Variants in UCK2 observed in about 807,000 individuals in gnomAD.
UCK2 encodes cytidine monophosphokinase 2.
UCK2 carries 6 observed loss-of-function variants against 30.8 expected under a neutral mutation model. The observed-to-expected ratio is 0.19, with a 90% CI of 0.11 to 0.38. The LOEUF is 0.38. Among genes scored for constraint, UCK2 ranks in the 10% least tolerant of loss-of-function variants. The pLI is 1.00. For synonymous variants in UCK2, 125 were observed against 133.6 expected (o/e 0.94, Z 0.45); for missense variants, 210 against 339.8 (o/e 0.62, Z 3.00).
intron 1 of UCK2, among the ~76,000 whole-genome samples, chr1:165,842,717 T>C (rs921171289): frequency 1.3e-5 from 2 of 152,196 alleles, no homozygotes; most frequent in African/African-American, 2.4e-5. Context: ...GGAGTGATCT[T>C]TTAAAAATGC....
intron 4 of UCK2, among the ~76,000 whole-genome samples, chr1:165,898,782 C>A (rs371224914): frequency 2.6e-5 from 4 of 152,176 alleles, no homozygotes; most frequent in East Asian, 1.9e-4. Flanking sequence ...GGAGCAATTC[C>A]TACAATGGTG....
In UCK2 at chr1:165,890,220, A is replaced by G. The variant is rs1293834373; in HGVS notation, c.116A>G (p.Lys39Arg). The change falls in exon 2 of 7, where the codon AAG becomes AGG. Residue 39 changes from lysine to arginine, a missense_variant. Lys to Arg is a conservative substitution (Grantham distance 26). Transcript: ENST00000367879. The part of the protein sequence containing the change: ...TASGKSSVCA[K>R]IVQLLGQNEV... ...TCCTCACAGTCTTCCGTGTGTGCTA[A>G]GATCGTGCAGCTCCTGGGGCAGAAT... 6.2e-7 allele frequency: 1 copy of G among 1,613,864 alleles called. No individual in the cohort carries two copies. Among genetic ancestry groups the G allele is most frequent in the Non-Finnish European group, 8.5e-7 (1 of 1,180,014 alleles).
chr1:165,888,447 A>G (rs1655677398), intron 1 of UCK2, among the ~76,000 whole-genome samples: 1 of 151,854 alleles, frequency 6.6e-6, no homozygotes, highest in Non-Finnish European at 1.5e-5. Context: ...ATGTGCCACC[A>G]TGCCTGGCTA....
intron 1 of UCK2, among the ~76,000 whole-genome samples, chr1:165,836,756 A>G (rs1045349217): frequency 2.0e-5 from 3 of 152,312 alleles, no homozygotes; most frequent in African/African-American, 7.2e-5. Context: ...TGGCTCAGGA[A>G]GTTTTCATGT....
intron 4 of UCK2, among the ~76,000 whole-genome samples, chr1:165,899,024 G>T (rs1328056459): frequency 6.6e-6 from 1 of 152,202 alleles, no homozygotes; most frequent in Non-Finnish European, 1.5e-5. Context: ...GTGGAGTGCG[G>T]GGGTGCTGGG....
intron 1 of UCK2, among the ~76,000 whole-genome samples, chr1:165,864,220 TTA>T (rs1446431117): frequency 6.6e-6 from 1 of 152,224 alleles, no homozygotes; most frequent in Non-Finnish European, 1.5e-5. Context: ...ATTGCTGGGA[TTA>T]CAGGCATGAG....
At position 165,890,794 on chromosome 1, in the gene UCK2, G is replaced by A. The variant is rs574320440; in HGVS notation, c.259+431G>A. 2.1e-4 allele frequency: 57 copies of A among 265,152 alleles called. 1 individual carries two copies. Among genetic ancestry groups the A allele is most frequent in the Non-Finnish European group, 3.0e-4 (41 of 136,490 alleles). 16.4% of individuals were successfully genotyped at this position (265,152 alleles called of 1,614,324 possible). A position where few individuals can be genotyped will look rare whatever the true frequency, so the allele number is the denominator to read the frequency against. ...CTGCCAGAGTGGTTTTTGCCCTACA[G>A]CCCTAGATCAGCACACTGCTCCTTT... On this transcript the variant is annotated intron_variant, in intron 2 of 6. Coordinates refer to ENST00000367879, the MANE Select transcript of UCK2 (RefSeq NM_012474.5).
Position 165,827,793 on chromosome 1 carries a change from G to T in UCK2, c.-41G>T. 7.4e-7 allele frequency: 1 copy of T among 1,351,104 alleles called. No individual in the cohort carries two copies. The highest frequency in any genetic ancestry group is 9.6e-7 in the Non-Finnish European group (1 of 1,039,696). 83.7% of individuals were successfully genotyped at this position (1,351,104 alleles called of 1,614,324 possible). ...ACGCGGGCGCGGGCGGGGAGCGTGCGTCCGTTCGCACAGGCAGCGGGAGGA... is the reference window on the plus strand; with the variant it reads ...ACGCGGGCGCGGGCGGGGAGCGTGCTTCCGTTCGCACAGGCAGCGGGAGGA... On this transcript the variant is annotated 5_prime_UTR_variant, in exon 1 of 7. Transcript: ENST00000367879.
chr1:165,903,148 C>T (rs1352527712), intron 4 of UCK2, 34 bp from the exon 5 acceptor site: 40 of 1,587,168 alleles, frequency 2.5e-5, no homozygotes, highest in African/African-American at 6.7e-5. Context: ...GCTCCTACAC[C>T]GTTTTTTGAT....
chr1:165,846,946 T>C (rs576468474), intron 1 of UCK2, among the ~76,000 whole-genome samples: 3 of 152,296 alleles, frequency 2.0e-5, no homozygotes, highest in Admixed American at 2.0e-4. Flanking sequence ...CATGTTGTGG[T>C]GTGACAGCAA....
Position 165,827,884 on chromosome 1 carries a change from C to T in UCK2, c.51C>T (p.Gly17=). ...QTLQNHQQPN[G]GEPFLIGVSG... is the part of the protein sequence containing the mutation. Reference sequence around the variant, plus strand: ...TGCAGAACCACCAGCAGCCCAACGGCGGCGAGCCCTTCCTTATAGGCGTCA... The same window carrying T: ...TGCAGAACCACCAGCAGCCCAACGGTGGCGAGCCCTTCCTTATAGGCGTCA... Residue 17 remains glycine (G), a synonymous_variant, in exon 1 of 7, where the codon GGC becomes GGT. Transcript: ENST00000367879. 1 of 1,477,958 alleles carries T rather than the reference C, an allele frequency of 6.8e-7. No homozygotes were observed. Among genetic ancestry groups the T allele is most frequent in the Non-Finnish European group, 9.0e-7 (1 of 1,107,162 alleles). The allele number at this position is 1,477,958 out of a possible 1,614,324, so 91.6% of individuals were successfully genotyped here.
intron 1 of UCK2, among the ~76,000 whole-genome samples, chr1:165,834,591 G>A (rs1359361762): frequency 6.6e-6 from 1 of 152,206 alleles, no homozygotes; most frequent in African/African-American, 2.4e-5. Flanking sequence ...ATTGGATGAG[G>A]GGGCAGTGGT....
chr1:165,835,910 A>G (rs1654176918), intron 1 of UCK2, among the ~76,000 whole-genome samples: 1 of 152,188 alleles, frequency 6.6e-6, no homozygotes, highest in African/African-American at 2.4e-5. Context: ...TTACTACTGT[A>G]CTTATTAGTA....
At chr1:165,870,956 T>A (rs577201441) in intron 1 of UCK2, among the ~76,000 whole-genome samples, 1 of 152,208 alleles carries the variant, frequency 6.6e-6, no homozygotes, top group Non-Finnish European at 1.5e-5. Context: ...TAGCTGGGAT[T>A]ACAGGCATGT....
At position 165,840,615 on chromosome 1, in the gene UCK2, C is replaced by T. The variant is rs187047685; in HGVS notation, c.99+12683C>T. The stretch of plus-strand genomic sequence containing the variant: ...TAAGGAGCCTTTATAGTTTAAGTCC[C>T]ACTGACTAATGTGAGTTATTACTTC... On this transcript the variant is annotated intron_variant, in intron 1 of 6. Coordinates refer to ENST00000367879, the MANE Select transcript of UCK2 (RefSeq NM_012474.5). Among the ~76,000 whole-genome samples, 146 of 152,304 alleles carry T rather than the reference C, an allele frequency of 9.6e-4. 3 individuals carry two copies. Among genetic ancestry groups the T allele is most frequent in the Admixed American group, 8.2e-3 (126 of 15,300 alleles).
rs935124792 is a variant in UCK2, at chr1:165,908,215, A to AG, written c.*396dup. The AG allele has an allele frequency of 7.1e-5, 11 of 155,352 alleles. No individual in the cohort carries two copies. The highest frequency in any genetic ancestry group is 1.4e-4 in the Non-Finnish European group (10 of 70,068). The allele number at this position is 155,352 out of a possible 1,614,324, so 9.6% of individuals were successfully genotyped here. ...TAGGACTGGAGCTGGAATTTCACCA[A>AG]GGGGAAATTGCCTGTTGTGTCCCAG... On this transcript the variant is annotated 3_prime_UTR_variant, in exon 7 of 7. Transcript: ENST00000367879.
Position 165,827,916 on chromosome 1 carries a change from G to A in UCK2, c.83G>A (p.Gly28Glu). 1 of 1,447,064 alleles carries A rather than the reference G, an allele frequency of 6.9e-7. No individual in the cohort carries two copies. Among genetic ancestry groups the A allele is most frequent in the Non-Finnish European group, 9.2e-7 (1 of 1,090,640 alleles). 89.6% of individuals were successfully genotyped at this position (1,447,064 alleles called of 1,614,324 possible). ...CCCTTCCTTATAGGCGTCAGCGGGG[G>A]AACAGCTAGCGGCAAGGTACGGCGG... Reference protein sequence around the residue: ...GEPFLIGVSGGTASGKSSVCA... With the variant: ...GEPFLIGVSGETASGKSSVCA... Residue 28 changes from glycine to glutamate, a missense_variant, in exon 1 of 7, where the codon GGA becomes GAA. Gly to Glu is a moderately conservative substitution (Grantham distance 98, BLOSUM62 -2). Around this residue, in one of 4 missense-constraint regions of UCK2, gnomAD observed 50 missense variants for 41.0 expected, o/e 1.22. Coordinates refer to ENST00000367879, the MANE Select transcript of UCK2 (RefSeq NM_012474.5).
chr1:165,890,248 G>C lies in UCK2; in HGVS notation c.144G>C (p.Glu48Asp). The stretch of plus-strand genomic sequence containing the variant: ...TCGTGCAGCTCCTGGGGCAGAATGA[G>C]GTGGACTATCGCCAGAAGCAGGTGG... ...AKIVQLLGQN[E>D]VDYRQKQVVI... Residue 48 changes from glutamate (E) to aspartate (D), a missense_variant, in exon 2 of 7, where the codon GAG becomes GAC. Around this residue, in one of 4 missense-constraint regions of UCK2, gnomAD observed 75 missense variants for 124.7 expected, o/e 0.60. Transcript: ENST00000367879. The C allele has an allele frequency of 1.2e-6, 2 of 1,614,120 alleles. No individual in the cohort carries two copies. Among genetic ancestry groups the C allele is most frequent in the Non-Finnish European group, 1.7e-6 (2 of 1,180,038 alleles).
intron 1 of UCK2, chr1:165,885,151 A>G (rs781520314): frequency 8.0e-6 from 3 of 372,778 alleles, no homozygotes; most frequent in East Asian, 3.8e-5. Context: ...GAGGTAAAGT[A>G]CATTTATGGA....
Sources: allele counts gnomAD v4.1 joint callset (sites outside exome capture counted in the v4.1 genomes callset), GRCh38; gene constraint gnomAD v4.1.1; regional missense constraint gnomAD v4.1.1; transcripts MANE v1.5; gene names NCBI Gene and HGNC (gene_info 2026-07-23, HGNC 2026-07-21).